The following TRPS1 variants were observed in gnomAD, a reference collection of about 807,000 sequenced individuals.
The protein encoded by TRPS1 is zinc finger transcription factor Trps1.
A neutral mutation model predicts 101.2 loss-of-function variants in TRPS1; 6 were observed. The observed-to-expected ratio is 0.06, with a 90% confidence interval of 0.03 to 0.12. TRPS1 has a LOEUF of 0.12. TRPS1 is among the 10% of genes least tolerant of loss of function. TRPS1 has a pLI of 1.00. For missense variants in TRPS1, 1,363 were observed against 1,567.0 expected, an observed-to-expected ratio of 0.87 and a Z score of 2.20; for synonymous variants, 578 against 589.8, an observed-to-expected ratio of 0.98 and a Z score of 0.29.
intron 5 of TRPS1, among the ~76,000 whole-genome samples, chr8:115,468,600 G>A (rs1430715760): frequency 1.3e-5 from 2 of 152,040 alleles, no homozygotes; most frequent in East Asian, 3.9e-4. Context: ...AAATGTAAAC[G>A]ACTTTGAAAA....
chr8:115,480,254 A>T (rs1437587006), intron 5 of TRPS1, among the ~76,000 whole-genome samples: 1 of 152,110 alleles, frequency 6.6e-6, no homozygotes, highest in Admixed American at 6.5e-5. Flanking sequence ...AGGGAGATGA[A>T]ATGAAATACC....
At chr8:115,471,348 AAAAGCCGCTTAT>A (rs1356059972) in intron 5 of TRPS1, among the ~76,000 whole-genome samples, 2 of 152,164 alleles carry the variant, frequency 1.3e-5, no homozygotes, top group African/African-American at 4.8e-5. Flanking sequence ...GCAAAGAGGG[AAAAGCCGCTTAT>A]AAAGCCATCA....
chr8:115,541,966 A>G (rs2130309281), intron 5 of TRPS1, among the ~76,000 whole-genome samples: 1 of 152,250 alleles, frequency 6.6e-6, no homozygotes, highest in African/African-American at 2.4e-5. Context: ...AATAGTCAAC[A>G]ATGCAACTTA....
At chr8:115,628,883 T>C (rs1014205937) in intron 1 of TRPS1, among the ~76,000 whole-genome samples, 6 of 151,836 alleles carry the variant, frequency 4.0e-5, no homozygotes, top group African/African-American at 1.2e-4. Context: ...TTAAGTTTAA[T>C]GGAAACTGTA....
At chr8:115,477,614 A>C (rs1814637966) in intron 5 of TRPS1, among the ~76,000 whole-genome samples, 1 of 152,120 alleles carries the variant, frequency 6.6e-6, no homozygotes. Context: ...TCCAGCTTAG[A>C]CTCATAATGT....
chr8:115,594,815 C>T (rs1437710199), intron 4 of TRPS1, among the ~76,000 whole-genome samples: 3 of 151,764 alleles, frequency 2.0e-5, no homozygotes, highest in African/African-American at 7.2e-5. Flanking sequence ...CTAAAAGATG[C>T]TACTCCTTTA....
At chr8:115,526,097 T>G (rs573398702) in intron 5 of TRPS1, among the ~76,000 whole-genome samples, 1 of 152,096 alleles carries the variant, frequency 6.6e-6, no homozygotes, top group Admixed American at 6.6e-5. Context: ...TTAAGAACGT[T>G]CTGGGTCTCG....
chr8:115,633,978 G>A (rs902289972), intron 1 of TRPS1, among the ~76,000 whole-genome samples: 1 of 151,966 alleles, frequency 6.6e-6, no homozygotes, highest in African/African-American at 2.4e-5. Flanking sequence ...AGTATCAAAT[G>A]GCTTCTAATG....
At position 115,414,972 on chromosome 8, in the gene TRPS1, T is replaced by C; in HGVS notation, c.2936A>G (p.Gln979Arg). The C allele has an allele frequency of 6.3e-7, 1 of 1,584,546 alleles. No homozygotes were observed. The highest frequency in any genetic ancestry group is 8.6e-7 in the Non-Finnish European group (1 of 1,167,694). ...TTGCTCCTCATTGCTGCCCCTCTGC[T>C]GTTTGTTGAGCTGCTCAGCCTGAAG... ...EALQAEQLNK[Q>R]QRGSNEEQVN... The change falls in exon 7 of 7, where the codon CAG becomes CGG. Residue 979 changes from glutamine (Q) to arginine (R), a missense_variant. Physicochemically the swap from Gln to Arg is conservative, Grantham distance 43. Transcript: ENST00000395715. This position sits in a 1 kb window ranked among gnomAD's most constrained non-coding sequence, Gnocchi z 4.8.
intron 5 of TRPS1, among the ~76,000 whole-genome samples, chr8:115,490,049 G>T (rs1814982599): frequency 6.6e-6 from 1 of 151,984 alleles, no homozygotes. Flanking sequence ...TCTGGCTGAT[G>T]GTTATCTCTA....
At chr8:115,523,553 T>C (rs540805918) in intron 5 of TRPS1, among the ~76,000 whole-genome samples, 2 of 152,206 alleles carry the variant, frequency 1.3e-5, no homozygotes, top group South Asian at 4.1e-4. Flanking sequence ...TAACTATCCA[T>C]ATAAACCATT....
At chr8:115,586,421 G>A (rs1462751508) in intron 5 of TRPS1, among the ~76,000 whole-genome samples, 7 of 151,994 alleles carry the variant, frequency 4.6e-5, no homozygotes, top group Non-Finnish European at 1.0e-4. Context: ...TTCTTTGGCC[G>A]CTTTTCACAC....
At chr8:115,651,867 T>C (rs1811567351) in intron 1 of TRPS1, among the ~76,000 whole-genome samples, 1 of 152,066 alleles carries the variant, frequency 6.6e-6, no homozygotes, top group African/African-American at 2.4e-5. Flanking sequence ...GATAGACACA[T>C]GATGTAGTAC....
intron 1 of TRPS1, among the ~76,000 whole-genome samples, chr8:115,652,851 G>A (rs1282239216): frequency 5.3e-5 from 8 of 152,208 alleles, no homozygotes; most frequent in Admixed American, 5.2e-4. Flanking sequence ...AAGAATGTCT[G>A]AAAAGGAGTT....
At chr8:115,441,894 A>AGTGTGTGT (rs746166025) in intron 5 of TRPS1, among the ~76,000 whole-genome samples, 160 of 132,250 alleles carry the variant, frequency 1.2e-3, no homozygotes, top group South Asian at 5.5e-3. Flanking sequence ...AGAGAGAGAG[A>AGTGTGTGT]GAGAGTGTGT....
intron 5 of TRPS1, among the ~76,000 whole-genome samples, chr8:115,502,752 A>G (rs549145535): frequency 3.3e-5 from 5 of 152,322 alleles, no homozygotes; most frequent in African/African-American, 9.6e-5. Context: ...ACATACACAC[A>G]TACATGCATA....
chr8:115,574,510 C>T (rs761712678), intron 5 of TRPS1, among the ~76,000 whole-genome samples: 13 of 152,210 alleles, frequency 8.5e-5, no homozygotes, highest in Middle Eastern at 3.4e-3. Context: ...TGAAAAGAGA[C>T]AGGACATAGA....
At chr8:115,459,031 G>C (rs1244496104) in intron 5 of TRPS1, among the ~76,000 whole-genome samples, 1 of 152,058 alleles carries the variant, frequency 6.6e-6, no homozygotes, top group Non-Finnish European at 1.5e-5. Flanking sequence ...TCACGTCTTG[G>C]AGGTTGTAAA....
chr8:115,457,557 G>A (rs1814061547), intron 5 of TRPS1, among the ~76,000 whole-genome samples: 1 of 152,066 alleles, frequency 6.6e-6, no homozygotes, highest in Admixed American at 6.6e-5. Flanking sequence ...ACAACATTAG[G>A]AATGTATTTC....
Sources: gnomAD v4.1 joint callset for allele counts (sites outside exome capture counted in the v4.1 genomes callset) on GRCh38, gnomAD v4.1.1 for gene constraint, Gnocchi (gnomAD v3.1) non-coding constraint, MANE v1.5 for transcripts, NCBI Gene and HGNC (gene_info 2026-07-23, HGNC 2026-07-21) for gene names.